The following BCKDHB variants were observed in gnomAD, a reference collection of about 807,000 sequenced individuals.
BCKDHB encodes the protein 2-oxoisovalerate dehydrogenase subunit beta, mitochondrial.
BCKDHB carries 41 observed loss-of-function variants against 48.5 expected under a neutral mutation model. That is an observed-to-expected ratio of 0.85 (90% CI 0.66 to 1.10). BCKDHB has a LOEUF of 1.10. Among genes scored for constraint, BCKDHB ranks in the 50% least tolerant of loss-of-function variants. BCKDHB has a pLI of 0.00. For missense variants in BCKDHB, 496 were observed against 494.2 expected (o/e 1.00, Z -0.03); for synonymous variants, 201 against 174.8 (o/e 1.15, Z -1.18).
At position 80,285,527 on chromosome 6, in the gene BCKDHB, CTGT is replaced by C. The variant is rs907991490; in HGVS notation, c.1038+12308_1038+12310del. Reference sequence around the variant, plus strand: ...GTAGTAAGCATGGATACTCTTATATCTGTTCAGAGAACCACAGTATCTTTTCTC... The same window carrying C: ...GTAGTAAGCATGGATACTCTTATATCTCAGAGAACCACAGTATCTTTTCTC... On this transcript the variant is annotated intron_variant, in intron 9 of 9. Coordinates refer to ENST00000320393, the MANE Select transcript of BCKDHB (RefSeq NM_183050.4). 5.9e-5 allele frequency among the ~76,000 whole-genome samples: 9 copies of C among 152,082 alleles called. 1 individual carries two copies. The South Asian group carries it at 1.7e-3, about 28-fold the overall frequency.
chr6:80,447,704 A>C, the BCKDHB span, among the ~76,000 whole-genome samples: 2 of 152,096 alleles, frequency 1.3e-5, no homozygotes, highest in Admixed American at 1.3e-4. Context: ...ATTATACACT[A>C]TGTATTCTTT....
chr6:80,442,768 C>T, the BCKDHB span, among the ~76,000 whole-genome samples: 11 of 152,224 alleles, frequency 7.2e-5, no homozygotes, highest in African/African-American at 2.6e-4. Context: ...TTCCAAGAAC[C>T]AGGAAGCTTT....
chr6:80,109,759 A>G (rs768989931), intron 1 of BCKDHB, among the ~76,000 whole-genome samples: 94 of 152,218 alleles, frequency 6.2e-4, no homozygotes, highest in Non-Finnish European at 9.8e-4. Flanking sequence ...CGATTATTGC[A>G]TAGCTGCTCT....
chr6:80,369,276 A>T, the BCKDHB span, among the ~76,000 whole-genome samples: 26 of 152,234 alleles, frequency 1.7e-4, no homozygotes, highest in African/African-American at 6.0e-4. Context: ...TAATTTGATG[A>T]ACTTTAATTA....
the BCKDHB span, among the ~76,000 whole-genome samples, chr6:80,435,401 T>A: frequency 6.6e-6 from 1 of 152,230 alleles, no homozygotes; most frequent in Non-Finnish European, 1.5e-5. Flanking sequence ...TATCTATATA[T>A]GTACTAATTA....
intron 8 of BCKDHB, among the ~76,000 whole-genome samples, chr6:80,259,199 T>C (rs1341044055): frequency 2.0e-5 from 3 of 152,236 alleles, no homozygotes; most frequent in Admixed American, 1.3e-4. Flanking sequence ...GAGATTTGTC[T>C]TGAATGCCTT....
At chr6:80,242,199 C>T (rs1030875121) in intron 8 of BCKDHB, among the ~76,000 whole-genome samples, 1 of 152,202 alleles carries the variant, frequency 6.6e-6, no homozygotes, top group Admixed American at 6.5e-5. Flanking sequence ...ACTTAGGTCT[C>T]TAGTCACCTT....
At chr6:80,411,570 G>A in the BCKDHB span, among the ~76,000 whole-genome samples, 2 of 152,252 alleles carry the variant, frequency 1.3e-5, no homozygotes, top group African/African-American at 4.8e-5. Context: ...TGCCCACAGA[G>A]GTGGAGTCTA....
the BCKDHB span, among the ~76,000 whole-genome samples, chr6:80,385,099 TGAG>T: frequency 6.6e-6 from 1 of 152,144 alleles, no homozygotes; most frequent in Non-Finnish European, 1.5e-5. Context: ...TTTGACCATA[TGAG>T]GAGAACCAAG....
the BCKDHB span, among the ~76,000 whole-genome samples, chr6:80,373,189 T>G: frequency 2.0e-5 from 3 of 152,152 alleles, no homozygotes; most frequent in African/African-American, 7.2e-5. Flanking sequence ...GTTATATGTT[T>G]CCAGGAATTT....
chr6:80,363,089 A>G, the BCKDHB span, among the ~76,000 whole-genome samples: 1 of 152,158 alleles, frequency 6.6e-6, no homozygotes, highest in Non-Finnish European at 1.5e-5. Context: ...CCACATTTGT[A>G]GGGTGCAAAT....
In BCKDHB at chr6:80,318,484, C is replaced by T. The variant is rs145271661; in HGVS notation, c.1039-25180C>T. Among the ~76,000 whole-genome samples, 989 of 152,072 alleles carry T rather than the reference C, an allele frequency of 6.5e-3. 21 individuals are homozygous for T. Among genetic ancestry groups the T allele is most frequent in the Admixed American group, 0.038 (577 of 15,266 alleles). On this transcript the variant is annotated intron_variant, in intron 9 of 9. Transcript: ENST00000320393. ...AGTGGATCACCTGAGGTCAGGAGTT[C>T]GAGACCAGTCTGACCAATACGGTGA...
intron 8 of BCKDHB, among the ~76,000 whole-genome samples, chr6:80,237,769 G>A (rs1776204809): frequency 6.6e-6 from 1 of 152,096 alleles, no homozygotes; most frequent in Admixed American, 6.5e-5. Context: ...GTTCAGATCA[G>A]AAATTGAAAA....
chr6:80,339,152 T>G (rs1226929341), intron 9 of BCKDHB, among the ~76,000 whole-genome samples: 2 of 152,198 alleles, frequency 1.3e-5, no homozygotes, highest in Non-Finnish European at 2.9e-5. Flanking sequence ...GGTTAGATAT[T>G]GAGAGATCCC....
At chr6:80,168,707 G>A (rs1772714450) in intron 4 of BCKDHB, among the ~76,000 whole-genome samples, 168 bp from the exon 5 acceptor site, 1 of 139,208 alleles carries the variant, frequency 7.2e-6, no homozygotes, top group Non-Finnish European at 1.5e-5. Flanking sequence ...AGAAAGGCAG[G>A]CAGGCAGGAA....
At chr6:80,425,052 C>G in the BCKDHB span, among the ~76,000 whole-genome samples, 2 of 152,088 alleles carry the variant, frequency 1.3e-5, no homozygotes, top group Non-Finnish European at 2.9e-5. Flanking sequence ...CTGAAAAAGA[C>G]TTTTCCCAGA....
chr6:80,131,499 C>G (rs1711821047), intron 3 of BCKDHB, among the ~76,000 whole-genome samples: 2 of 152,206 alleles, frequency 1.3e-5, no homozygotes, highest in Admixed American at 1.3e-4. Context: ...TACTTAAGAT[C>G]TTTCATTTTT....
chr6:80,344,771 A>G lies in BCKDHB; in HGVS notation c.*967A>G, dbSNP rs996429438. On this transcript the variant is annotated 3_prime_UTR_variant, in exon 10 of 10. Coordinates refer to ENST00000320393, the MANE Select transcript of BCKDHB (RefSeq NM_183050.4). The stretch of plus-strand genomic sequence containing the variant: ...ACTTTATACCATTGTTTCAACTTCA[A>G]CCTTTATTTTTGTATATATTTTTTC... 6.6e-6 allele frequency: 1 copy of G among 152,174 alleles called. No homozygotes were observed. The highest frequency in any genetic ancestry group is 1.5e-5 in the Non-Finnish European group (1 of 68,020). 9.4% of individuals were successfully genotyped at this position (152,174 alleles called of 1,614,324 possible). A position where few individuals can be genotyped will look rare whatever the true frequency, so the allele number is the denominator to read the frequency against.
intron 9 of BCKDHB, among the ~76,000 whole-genome samples, chr6:80,296,162 T>C (rs568018437): frequency 6.6e-6 from 1 of 152,294 alleles, no homozygotes; most frequent in East Asian, 1.9e-4. Flanking sequence ...TTTACCTCTA[T>C]TCTAATGTTA....
Sources: gnomAD v4.1 joint callset for allele counts (sites outside exome capture counted in the v4.1 genomes callset) on GRCh38, gnomAD v4.1.1 for gene constraint, MANE v1.5 for transcripts, NCBI Gene and HGNC (gene_info 2026-07-23, HGNC 2026-07-21) for gene names.